GABRB3: variants seen among roughly 807,000 people sequenced by gnomAD.
The protein encoded by GABRB3 is gamma-aminobutyric acid type A receptor subunit beta3.
A neutral mutation model predicts 52.1 loss-of-function variants in GABRB3; 14 were observed. The observed-to-expected ratio is 0.27, with a 90% confidence interval of 0.18 to 0.42. The LOEUF (loss-of-function observed/expected upper bound fraction) is 0.42, where lower values mean the gene tolerates loss of function less well. Ranked by LOEUF, GABRB3 falls within the 10% of genes least tolerant of loss-of-function variation. GABRB3 has a pLI of 1.00. For missense variants in GABRB3, 307 were observed against 609.1 expected (o/e 0.50, Z 5.22); for synonymous variants, 260 against 232.3 (o/e 1.12, Z -1.08).
At chr15:26,593,363 T>C (rs1432285985) in intron 4 of GABRB3, among the ~76,000 whole-genome samples, 1 of 152,216 alleles carries the variant, frequency 6.6e-6, no homozygotes, top group African/African-American at 2.4e-5. Context: ...TTTAAGTATA[T>C]AATTCAGTGC....
intron 3 of GABRB3, among the ~76,000 whole-genome samples, chr15:26,671,617 T>C (rs774342523): frequency 6.6e-6 from 1 of 152,254 alleles, no homozygotes; most frequent in Non-Finnish European, 1.5e-5. Flanking sequence ...GGATGAGTCG[T>C]ATTAAAGAAT....
chr15:26,760,452 T>G (rs1330624291), intron 3 of GABRB3, among the ~76,000 whole-genome samples: 1 of 152,100 alleles, frequency 6.6e-6, no homozygotes, highest in Non-Finnish European at 1.5e-5. Flanking sequence ...GAGGGTGAGC[T>G]TGAAAGCTAA....
intron 3 of GABRB3, among the ~76,000 whole-genome samples, chr15:26,734,913 C>A (rs1026834626): frequency 2.6e-5 from 4 of 151,882 alleles, no homozygotes; most frequent in Non-Finnish European, 5.9e-5. Context: ...AAGAACCAGT[C>A]AAAACAAAAC....
intron 3 of GABRB3, among the ~76,000 whole-genome samples, chr15:26,720,717 A>G (rs1437258604): frequency 6.6e-6 from 1 of 152,134 alleles, no homozygotes; most frequent in Non-Finnish European, 1.5e-5. Context: ...CACATACGCA[A>G]TCCCTCAGGA....
chr15:26,569,551 T>C (rs887230181), intron 6 of GABRB3, among the ~76,000 whole-genome samples: 4 of 152,240 alleles, frequency 2.6e-5, no homozygotes, highest in Admixed American at 2.6e-4. Flanking sequence ...ATTTAGGTGT[T>C]TTCAATTTTT....
At chr15:26,717,013 G>C (rs1412027539) in intron 3 of GABRB3, among the ~76,000 whole-genome samples, 3 of 115,558 alleles carry the variant, frequency 2.6e-5, no homozygotes, top group Non-Finnish European at 5.3e-5. Context: ...AGACAGCCCA[G>C]CTCTTGGGAC....
Position 26,605,410 on chromosome 15 carries a change from G to A in GABRB3, c.461+15904C>T, listed in dbSNP as rs146347720. On this transcript the variant is annotated intron_variant, in intron 4 of 8. Coordinates refer to ENST00000311550, the MANE Select transcript of GABRB3 (RefSeq NM_000814.6). ...ATATGATCCAGGAATCCCACTGCTC[G>A]GTATACACCCAACAGGTGAAAAATC... Among the ~76,000 whole-genome samples, 24 of 152,212 alleles carry A rather than the reference G, an allele frequency of 1.6e-4. No homozygotes were observed. In the South Asian group the frequency reaches 1.7e-3, roughly 11 times the overall value.
chr15:26,713,667 T>G lies in GABRB3; in HGVS notation c.240+58735A>C, dbSNP rs116346738. ...TGCTGGCACAGGAAGGAGTGAGAAC[T>G]GGTGGCCGCAACACGCTGTTTCCAT... On this transcript the variant is annotated intron_variant, in intron 3 of 8. Transcript: ENST00000311550. 4.3e-3 allele frequency among the ~76,000 whole-genome samples: 655 copies of G among 152,258 alleles called. 8 individuals are homozygous for G. Among genetic ancestry groups the G allele is most frequent in the African/African-American group, 0.015 (626 of 41,554 alleles).
At chr15:26,556,645 T>C (rs960904653) in intron 8 of GABRB3, among the ~76,000 whole-genome samples, 21 of 152,306 alleles carry the variant, frequency 1.4e-4, no homozygotes, top group Admixed American at 5.9e-4. Flanking sequence ...ATGGTACCAC[T>C]AGTCTGGGGA....
intron 3 of GABRB3, among the ~76,000 whole-genome samples, chr15:26,671,887 C>T (rs1887909128): frequency 6.6e-6 from 1 of 152,110 alleles, no homozygotes. Context: ...GTCACTGTCT[C>T]AAAGAGTTTG....
intron 3 of GABRB3, among the ~76,000 whole-genome samples, chr15:26,648,806 G>C (rs1595507620): frequency 3.9e-5 from 6 of 152,264 alleles, no homozygotes; most frequent in Middle Eastern, 6.8e-3. Flanking sequence ...CTCTCTGATG[G>C]GGAAGGAAAG....
chr15:26,574,387 G>A (rs1162389161), intron 6 of GABRB3, among the ~76,000 whole-genome samples: 1 of 151,942 alleles, frequency 6.6e-6, no homozygotes, highest in South Asian at 2.1e-4. Flanking sequence ...ATATGACCCA[G>A]GAATTCCACT....
At chr15:26,586,356 T>C (rs188728023) in intron 4 of GABRB3, among the ~76,000 whole-genome samples, 1 of 150,972 alleles carries the variant, frequency 6.6e-6, no homozygotes, top group East Asian at 2.0e-4. Context: ...TTGAAATTAC[T>C]GTTTCTTACT....
chr15:26,723,483 T>C (rs1271798579), intron 3 of GABRB3, among the ~76,000 whole-genome samples: 1 of 152,212 alleles, frequency 6.6e-6, no homozygotes, highest in Non-Finnish European at 1.5e-5. Context: ...ACTACCCACA[T>C]TTAATTTAAG....
Position 26,551,035 on chromosome 15 carries a change from G to A in GABRB3, c.1081-2901C>T, listed in dbSNP as rs184887404. ...AAATATTTTGAGAAAGGCAAACACC[G>A]TTCCCAGCACATACTAAGCCTGAGA... is the stretch of plus-strand genomic sequence containing the variant. On this transcript the variant is annotated intron_variant, in intron 8 of 8. Transcript: ENST00000311550. 5.9e-5 allele frequency among the ~76,000 whole-genome samples: 9 copies of A among 152,288 alleles called. No individual in the cohort carries two copies. The East Asian group carries it at 1.5e-3, about 26-fold the overall frequency.
At chr15:26,576,200 T>C (rs891777362) in intron 6 of GABRB3, among the ~76,000 whole-genome samples, 2 of 152,264 alleles carry the variant, frequency 1.3e-5, no homozygotes, top group Admixed American at 6.5e-5. Flanking sequence ...CTGTCTGTTA[T>C]GCAAGCGCTT....
intron 4 of GABRB3, among the ~76,000 whole-genome samples, chr15:26,609,028 A>G (rs981037805): frequency 3.9e-5 from 6 of 152,000 alleles, no homozygotes; most frequent in Admixed American, 6.6e-5. Context: ...AACAGTAGCC[A>G]TGTTATGGAA....
chr15:26,761,829 CTTATTTATTTAT>C, intron 3 of GABRB3, among the ~76,000 whole-genome samples: 1 of 152,054 alleles, frequency 6.6e-6, no homozygotes, highest in Non-Finnish European at 1.5e-5. Flanking sequence ...CTCTATCCCT[CTTATTTATTTAT>C]TTATTTATTT....
intron 3 of GABRB3, among the ~76,000 whole-genome samples, chr15:26,699,352 A>G (rs931436908): frequency 5.3e-5 from 8 of 152,176 alleles, no homozygotes; most frequent in African/African-American, 1.9e-4. Context: ...AACAAAGCGC[A>G]AGAATATTTC....
Sources: allele counts gnomAD v4.1 joint callset (sites outside exome capture counted in the v4.1 genomes callset), GRCh38; gene constraint gnomAD v4.1.1; transcripts MANE v1.5; gene names NCBI Gene and HGNC (gene_info 2026-07-23, HGNC 2026-07-21).